Variants in FGFR3 observed in about 807,000 individuals in gnomAD.
The protein encoded by FGFR3 is FGFR-3.
A neutral mutation model predicts 82.9 loss-of-function variants in FGFR3; 25 were observed. The ratio of observed to expected loss-of-function variants is 0.30; its 90% CI spans 0.22 to 0.42. The LOEUF is 0.42. Among genes scored for constraint, FGFR3 ranks in the 10% least tolerant of loss-of-function variants. The pLI, the probability that FGFR3 is intolerant of heterozygous loss-of-function variation, is 1.00. For synonymous variants in FGFR3, 620 were observed against 516.0 expected (o/e 1.20, Z -2.73); for missense variants, 1,026 against 1,161.0 (o/e 0.88, Z 1.69).
At chr4:1,803,152 C>T (rs1721412892) in intron 7 of FGFR3, 1 of 1,369,154 alleles carries the variant, frequency 7.3e-7, no homozygotes, top group Non-Finnish European at 9.5e-7. Context: ...ACGCCCAGCC[C>T]TGCTCGCTCC....
At position 1,804,837 on chromosome 4, in the gene FGFR3, C is replaced by G. The variant is rs1391325047; in HGVS notation, c.1280C>G (p.Ser427Cys). Reference sequence around the variant, plus strand: ...TGACCCAAGCAGGTGTCCCTGGAGTCCAACGCGTCCATGAGCTCCAACACA... The same window carrying G: ...TGACCCAAGCAGGTGTCCCTGGAGTGCAACGCGTCCATGAGCTCCAACACA... The part of the protein sequence containing the change: ...FPLKRQVSLE[S>C]NASMSSNTPL... The change falls in exon 10 of 18, where the codon TCC (serine) becomes TGC (cysteine). Residue 427 changes from serine (S) to cysteine (C), a missense_variant. By Grantham distance (112) the Ser-to-Cys change is moderately radical (BLOSUM62 -1). Around this residue, in one of 9 missense-constraint regions of FGFR3, gnomAD observed 256 missense variants for 217.6 expected, o/e 1.18. Transcript: ENST00000440486. The G allele has an allele frequency of 1.9e-6, 3 of 1,549,858 alleles. No individual in the cohort carries two copies. Among genetic ancestry groups the G allele is most frequent in the Admixed American group, 2.0e-5 (1 of 51,014 alleles).
In FGFR3 at chr4:1,801,571, C is replaced by T. The variant is rs762544534; in HGVS notation, c.615+35C>T. 2.5e-5 allele frequency: 40 copies of T among 1,578,110 alleles called. 1 individual carries two copies. The South Asian group carries it at 4.0e-4, about 16-fold the overall frequency. ...GCGGGGTGGCTCTGGGCCTGGCAGG[C>T]GCGGTGGTTGCTGCCTCCGCTCACT... On this transcript the variant is annotated intron_variant, in intron 5 of 17. Transcript: ENST00000440486.
At position 1,807,442 on chromosome 4, in the gene FGFR3, C is replaced by T. The variant is rs758061231; in HGVS notation, c.*180C>T. The T allele has an allele frequency of 1.2e-5, 12 of 972,262 alleles. No homozygotes were observed. The highest frequency in any genetic ancestry group is 2.3e-4 in the Middle Eastern group (1 of 4,358). 60.2% of individuals were successfully genotyped at this position (972,262 alleles called of 1,614,324 possible). A position where few individuals can be genotyped will look rare whatever the true frequency, so the allele number is the denominator to read the frequency against. Reference sequence around the variant, plus strand: ...GTGCACATCCGCGTGTGCCTGTGTGCGTGCGCATCTTGCCTCCAGGTGCAG... The same window carrying T: ...GTGCACATCCGCGTGTGCCTGTGTGTGTGCGCATCTTGCCTCCAGGTGCAG... On this transcript the variant is annotated 3_prime_UTR_variant, in exon 18 of 18. Coordinates refer to ENST00000440486, the MANE Select transcript of FGFR3 (RefSeq NM_000142.5).
Position 1,803,540 on chromosome 4 carries a change from T to G in FGFR3, c.931-152T>G. On this transcript the variant is annotated intron_variant, in intron 7 of 17. Transcript: ENST00000440486. ...TACCGGTGTACCAGGCGGAGGGCCC[T>G]CAGCCGCGTGGCGGTGACCAAGTTG... 2.2e-6 allele frequency: 3 copies of G among 1,368,596 alleles called. No homozygotes were observed. In the African/African-American group the frequency reaches 4.3e-5, roughly 20 times the overall value. 84.8% of individuals were successfully genotyped at this position (1,368,596 alleles called of 1,614,324 possible).
chr4:1,796,587 T>A (rs2108762338), intron 2 of FGFR3, among the ~76,000 whole-genome samples: 1 of 152,220 alleles, frequency 6.6e-6, no homozygotes, highest in East Asian at 1.9e-4. Context: ...GATTTGATCC[T>A]TGTTCTCTGG....
chr4:1,797,007 G>A (rs868603181), intron 2 of FGFR3, among the ~76,000 whole-genome samples: 1 of 152,154 alleles, frequency 6.6e-6, no homozygotes, highest in Admixed American at 6.5e-5. Flanking sequence ...GGGTTGGGGC[G>A]CCGGCAGGAG....
chr4:1,794,706 C>G (rs1056223933), intron 2 of FGFR3, among the ~76,000 whole-genome samples: 19 of 152,092 alleles, frequency 1.2e-4, no homozygotes, highest in Admixed American at 3.3e-4. Flanking sequence ...AGGGAGGTCC[C>G]AAGGGGCGAG....
At chr4:1,803,079 C>A (rs747317180) in intron 7 of FGFR3, 2 of 1,553,922 alleles carry the variant, frequency 1.3e-6, no homozygotes, top group South Asian at 2.4e-5. Flanking sequence ...CGACTCTGTC[C>A]CATGCCGGCC....
In FGFR3 at chr4:1,801,703, G is replaced by C. The variant is rs1319851708; in HGVS notation, c.699G>C (p.Lys233Asn). 6.2e-7 allele frequency: 1 copy of C among 1,610,428 alleles called. No individual in the cohort carries two copies. Among genetic ancestry groups the C allele is most frequent in the Admixed American group, 1.7e-5 (1 of 59,808 alleles). The change falls in exon 6 of 18, where the codon AAG (lysine) becomes AAC (asparagine). Residue 233 changes from lysine to asparagine, a missense_variant. Transcript: ENST00000440486. ...RGNYTCVVEN[K>N]FGSIRQTYTL... is the part of the protein sequence containing the mutation. The stretch of plus-strand genomic sequence containing the variant: ...ACTACACCTGCGTCGTGGAGAACAA[G>C]TTTGGCAGCATCCGGCAGACGTACA...
chr4:1,803,390 G>A (rs1333809371), intron 7 of FGFR3, among the ~76,000 whole-genome samples: 1 of 152,096 alleles, frequency 6.6e-6, no homozygotes, highest in African/African-American at 2.4e-5. Flanking sequence ...CGCAGCCTGT[G>A]TGTCCCTGTG....
chr4:1,807,405 G>A lies in FGFR3; in HGVS notation c.*143G>A. On this transcript the variant is annotated 3_prime_UTR_variant, in exon 18 of 18. Coordinates refer to ENST00000440486, the MANE Select transcript of FGFR3 (RefSeq NM_000142.5). ...GGTCTGTGTGTGTGTGTGTGCGTGT[G>A]TGTGTGTGTGTGTGCACATCCGCGT... 8.9e-7 allele frequency: 1 copy of A among 1,122,942 alleles called. No individual in the cohort carries two copies. The highest frequency in any genetic ancestry group is 1.3e-6 in the Non-Finnish European group (1 of 776,298). The allele number at this position is 1,122,942 out of a possible 1,614,324, so 69.6% of individuals were successfully genotyped here. A position where few individuals can be genotyped will look rare whatever the true frequency, so the allele number is the denominator to read the frequency against.
At chr4:1,804,307 C>T (rs2108796188) in intron 8 of FGFR3, 23 bp from the exon 9 acceptor site, 2 of 1,579,714 alleles carry the variant, frequency 1.3e-6, no homozygotes, top group South Asian at 1.2e-5. Context: ...CCAGGCCAGG[C>T]CTCAACGCCC....
intron 7 of FGFR3, among the ~76,000 whole-genome samples, chr4:1,803,324 G>A (rs190551479): frequency 1.6e-3 from 250 of 152,160 alleles, no homozygotes; most frequent in African/African-American, 5.6e-3. Context: ...GCTCCGTGCC[G>A]TCTGTGAGCA....
At chr4:1,806,803 C>A (rs946768921) in intron 16 of FGFR3, 26 bp from the exon 17 acceptor site, 1 of 1,577,826 alleles carries the variant, frequency 6.3e-7, no homozygotes, top group Admixed American at 1.8e-5. Flanking sequence ...AGCGGCGGGG[C>A]TCACTCCTGA....
In FGFR3 at chr4:1,799,409, G is replaced by GT; in HGVS notation, c.266dup (p.Pro91AlafsTer44). ...GCTGGTGCCCTCGGAGCGTGTCCTG[G>GT]TGGGGCCCCAGCGGCTGCAGGTGCT... On this transcript the variant is annotated frameshift_variant, in exon 3 of 18. Coordinates refer to ENST00000440486, the MANE Select transcript of FGFR3 (RefSeq NM_000142.5). LOFTEE classifies it high-confidence loss of function. The GT allele has an allele frequency of 6.2e-7, 1 of 1,612,096 alleles. No homozygotes were observed. The highest frequency in any genetic ancestry group is 8.5e-7 in the Non-Finnish European group (1 of 1,179,702).
intron 9 of FGFR3, 57 bp downstream of exon 9, chr4:1,804,577 C>G: frequency 6.3e-7 from 1 of 1,595,160 alleles, no homozygotes; most frequent in Non-Finnish European, 8.5e-7. Context: ...CTCCTGGAGC[C>G]CCACCTCGGC....
intron 9 of FGFR3, 146 bp from the exon 10 acceptor site, chr4:1,804,677 CT>C (rs748689369): frequency 3.5e-5 from 50 of 1,422,224 alleles, no homozygotes; most frequent in Non-Finnish European, 4.7e-5. Flanking sequence ...GCCTAGGGTA[CT>C]TTGGGGCACG....
At chr4:1,797,391 G>T (rs946402551) in intron 2 of FGFR3, among the ~76,000 whole-genome samples, 8 of 148,896 alleles carry the variant, frequency 5.4e-5, no homozygotes, top group African/African-American at 1.3e-4. Context: ...GGCAGGCAGT[G>T]GGGGGGGCAG....
intron 4 of FGFR3, among the ~76,000 whole-genome samples, chr4:1,801,035 CT>C (rs1721110056): frequency 6.6e-6 from 1 of 152,238 alleles, no homozygotes; most frequent in Non-Finnish European, 1.5e-5. Flanking sequence ...GGCCTGCCCC[CT>C]GGGTCTTCAG....
Sources: allele counts gnomAD v4.1 joint callset (sites outside exome capture counted in the v4.1 genomes callset), GRCh38; gene constraint gnomAD v4.1.1; regional missense constraint gnomAD v4.1.1; transcripts MANE v1.5; gene names NCBI Gene and HGNC (gene_info 2026-07-23, HGNC 2026-07-21).